Variants in CDH13 observed in about 807,000 individuals in gnomAD.
The protein encoded by CDH13 is cadherin-13.
A neutral mutation model predicts 63.8 loss-of-function variants in CDH13; 24 were observed. The ratio of observed to expected loss-of-function variants is 0.38; its 90% confidence interval spans 0.27 to 0.53. The LOEUF (loss-of-function observed/expected upper bound fraction) is 0.53. Among genes scored for constraint, CDH13 ranks in the 20% least tolerant of loss-of-function variants. CDH13 has a pLI of 0.85. For synonymous variants in CDH13, 503 were observed against 355.3 expected (o/e 1.42, Z -4.67); for missense variants, 1,049 against 903.1 (o/e 1.16, Z -2.07).
chr16:82,799,883 C>G (rs1467690251), intron 1 of CDH13, among the ~76,000 whole-genome samples: 2 of 152,158 alleles, frequency 1.3e-5, no homozygotes, highest in East Asian at 3.9e-4. Flanking sequence ...CAACCCACTA[C>G]CAGGCTTTTA....
intron 13 of CDH13, among the ~76,000 whole-genome samples, chr16:83,789,204 A>C (rs540013019): frequency 1.3e-5 from 2 of 152,206 alleles, no homozygotes; most frequent in Non-Finnish European, 2.9e-5. Context: ...AGCAGACATC[A>C]AAGTGGCCGA....
chr16:83,123,760 C>T (rs1567852816), intron 3 of CDH13, among the ~76,000 whole-genome samples: 1 of 152,224 alleles, frequency 6.6e-6, no homozygotes, highest in Middle Eastern at 3.4e-3. Flanking sequence ...GTTCTGTTTT[C>T]AGTTCTTTGA....
chr16:82,910,184 G>A (rs930741404), intron 2 of CDH13, among the ~76,000 whole-genome samples: 2 of 152,180 alleles, frequency 1.3e-5, no homozygotes, highest in Non-Finnish European at 2.9e-5. Flanking sequence ...CCTGCATGCA[G>A]CATGTGGCAC....
At chr16:82,868,677 G>T (rs1414946408) in intron 2 of CDH13, among the ~76,000 whole-genome samples, 1 of 152,212 alleles carries the variant, frequency 6.6e-6, no homozygotes, top group Non-Finnish European at 1.5e-5. Context: ...GTATCACACT[G>T]TCAGCCTTTG....
At chr16:83,065,894 A>G (rs1043859379) in intron 3 of CDH13, among the ~76,000 whole-genome samples, 5 of 152,248 alleles carry the variant, frequency 3.3e-5, no homozygotes, top group Admixed American at 6.5e-5. Context: ...ATGCCACACC[A>G]CTGTATAATA....
intron 7 of CDH13, among the ~76,000 whole-genome samples, chr16:83,497,310 A>G (rs1240641780): frequency 6.6e-6 from 1 of 152,030 alleles, no homozygotes; most frequent in Admixed American, 6.6e-5. Context: ...GCACATATAC[A>G]CCATGGAATA....
chr16:82,891,080 G>A (rs12933472), intron 2 of CDH13, among the ~76,000 whole-genome samples: 30,525 of 147,478 alleles, frequency 0.21, 4,303 homozygotes, highest in East Asian at 0.7. Flanking sequence ...TCGTGATGGT[G>A]TTATTCAATT....
chr16:83,712,478 C>T (rs1168177222), intron 10 of CDH13, among the ~76,000 whole-genome samples: 1 of 152,142 alleles, frequency 6.6e-6, no homozygotes, highest in Non-Finnish European at 1.5e-5. Context: ...CCTTAATTGT[C>T]TTTACAGAAG....
At chr16:83,473,167 A>G (rs567036666) in intron 6 of CDH13, among the ~76,000 whole-genome samples, 9 of 152,306 alleles carry the variant, frequency 5.9e-5, no homozygotes, top group Admixed American at 4.6e-4. Context: ...ATCCATTTCC[A>G]TAGACTCATA....
chr16:83,078,156 G>A (rs555146615), intron 3 of CDH13, among the ~76,000 whole-genome samples: 1 of 152,144 alleles, frequency 6.6e-6, no homozygotes, highest in Non-Finnish European at 1.5e-5. Context: ...AGAGTTTTGG[G>A]CAGAATTCAT....
At chr16:83,627,053 C>T (rs1390288104) in intron 8 of CDH13, among the ~76,000 whole-genome samples, 1 of 151,834 alleles carries the variant, frequency 6.6e-6, no homozygotes, top group East Asian at 1.9e-4. Context: ...GAGGCCAAGG[C>T]CGATGGATTA....
intron 1 of CDH13, among the ~76,000 whole-genome samples, chr16:82,709,341 T>C (rs1280729511): frequency 6.6e-6 from 1 of 152,226 alleles, no homozygotes; most frequent in Non-Finnish European, 1.5e-5. Context: ...CAGGAATAAT[T>C]TTTAAGAAAT....
intron 4 of CDH13, among the ~76,000 whole-genome samples, chr16:83,152,512 C>T (rs186590528): frequency 3.3e-4 from 50 of 152,256 alleles, no homozygotes; most frequent in African/African-American, 1.2e-3. Context: ...GATTCCTTTA[C>T]ATTTTTTTCT....
At chr16:83,202,088 T>A (rs898012359) in intron 4 of CDH13, among the ~76,000 whole-genome samples, 1 of 152,174 alleles carries the variant, frequency 6.6e-6, no homozygotes, top group Non-Finnish European at 1.5e-5. Context: ...GGCCCCATAG[T>A]GTCCCCTGAA....
At chr16:82,634,551 G>A (rs1908418783) in intron 1 of CDH13, among the ~76,000 whole-genome samples, 1 of 152,168 alleles carries the variant, frequency 6.6e-6, no homozygotes, top group South Asian at 2.1e-4. Context: ...ATTTCTCCCT[G>A]CAGTCTGGTT....
At chr16:83,467,168 G>T (rs981434065) in intron 6 of CDH13, among the ~76,000 whole-genome samples, 2 of 152,128 alleles carry the variant, frequency 1.3e-5, no homozygotes, top group Non-Finnish European at 2.9e-5. Flanking sequence ...CCGGCTCTCA[G>T]TAAACTCAAA....
At chr16:82,643,990 TCCTC>T (rs932313978) in intron 1 of CDH13, among the ~76,000 whole-genome samples, 2 of 152,072 alleles carry the variant, frequency 1.3e-5, no homozygotes, top group African/African-American at 4.8e-5. Flanking sequence ...CTTCAAGTGA[TCCTC>T]CAGGAGTAGC....
intron 5 of CDH13, among the ~76,000 whole-genome samples, chr16:83,277,587 C>T (rs148404839): frequency 5.3e-5 from 8 of 152,196 alleles, no homozygotes; most frequent in Admixed American, 2.0e-4. Context: ...GTGTTTTGTG[C>T]GTTCATCCCT....
intron 2 of CDH13, among the ~76,000 whole-genome samples, chr16:82,968,659 G>T (rs1317227977): frequency 6.6e-6 from 1 of 152,110 alleles, no homozygotes; most frequent in Non-Finnish European, 1.5e-5. Flanking sequence ...CATCCTCCCT[G>T]CCCCACCCAG....
Sources: allele counts gnomAD v4.1 joint callset (sites outside exome capture counted in the v4.1 genomes callset), GRCh38; gene constraint gnomAD v4.1.1; transcripts MANE v1.5; gene names NCBI Gene and HGNC (gene_info 2026-07-23, HGNC 2026-07-21).